ARHGAP5: variants seen among roughly 807,000 people sequenced by gnomAD.
ARHGAP5 encodes the protein Rho GTPase activating protein 5.
Under a neutral mutation model 116.6 loss-of-function variants are expected in ARHGAP5, and 23 were observed. The ratio of observed to expected loss-of-function variants is 0.20; its 90% confidence interval spans 0.14 to 0.28. The LOEUF is 0.28. ARHGAP5 is among the 10% of genes least tolerant of loss of function. The pLI is 1.00. For synonymous variants in ARHGAP5, 574 were observed against 602.0 expected (o/e 0.95, Z 0.68); for missense variants, 1,405 against 1,774.8 (o/e 0.79, Z 3.74).
chr14:32,130,117 A>ATG (rs1880394910), intron 3 of ARHGAP5, among the ~76,000 whole-genome samples: 1 of 151,364 alleles, frequency 6.6e-6, no homozygotes, highest in African/African-American at 2.4e-5. Flanking sequence ...ATATATATAT[A>ATG]TGACCACATA....
intron 3 of ARHGAP5, among the ~76,000 whole-genome samples, chr14:32,135,334 A>G (rs1880733114): frequency 6.6e-6 from 1 of 152,252 alleles, no homozygotes; most frequent in Admixed American, 6.5e-5. Context: ...TTGGGCCAGA[A>G]CCAGGAAGTG....
At chr14:32,130,384 T>C (rs567342010) in intron 3 of ARHGAP5, among the ~76,000 whole-genome samples, 1 of 148,074 alleles carries the variant, frequency 6.8e-6, no homozygotes, top group African/African-American at 2.6e-5. Context: ...GCTAATTTTT[T>C]GGGTTTTTTT....
At chr14:32,153,388 C>G (rs1010595278) in intron 6 of ARHGAP5, among the ~76,000 whole-genome samples, 1 of 69,916 alleles carries the variant, frequency 1.4e-5, no homozygotes, top group African/African-American at 5.4e-5. Flanking sequence ...GTCTGGCCAA[C>G]AGAGCAAGAC....
At chr14:32,148,210 C>CTATCTATG (rs1555359612) in intron 4 of ARHGAP5, among the ~76,000 whole-genome samples, 2 of 147,102 alleles carry the variant, frequency 1.4e-5, no homozygotes, top group African/African-American at 2.6e-5. Context: ...ATCTATCTAT[C>CTATCTATG]TATGTATATC....
chr14:32,081,960 G>C (rs1287527003), intron 1 of ARHGAP5, among the ~76,000 whole-genome samples: 5 of 152,164 alleles, frequency 3.3e-5, no homozygotes, highest in Admixed American at 2.6e-4. Flanking sequence ...ACGGAACCGG[G>C]GGCATGGTTT....
At chr14:32,083,106 C>G (rs1316537864) in intron 1 of ARHGAP5, among the ~76,000 whole-genome samples, 2 of 152,270 alleles carry the variant, frequency 1.3e-5, no homozygotes, top group East Asian at 3.8e-4. Context: ...ACTTTACAAT[C>G]CAAATCTCGT....
chr14:32,153,873 T>A (rs1881769480), intron 6 of ARHGAP5: 1 of 144,972 alleles, frequency 6.9e-6, no homozygotes, highest in African/African-American at 2.6e-5. Context: ...AGCAACATAG[T>A]GAGACTTGAT....
At chr14:32,135,294 A>C (rs1159978397) in intron 3 of ARHGAP5, among the ~76,000 whole-genome samples, 1 of 152,244 alleles carries the variant, frequency 6.6e-6, no homozygotes. Flanking sequence ...GAATGAAGGT[A>C]ACTTAGAGAA....
intron 3 of ARHGAP5, among the ~76,000 whole-genome samples, chr14:32,124,011 A>C (rs1344722688): frequency 6.6e-6 from 1 of 152,172 alleles, no homozygotes; most frequent in Admixed American, 6.5e-5. Flanking sequence ...ACTCTTCTGC[A>C]TATCCGATAC....
At position 32,119,533 on chromosome 14, in the gene ARHGAP5, T is replaced by C. The variant is rs145322973; in HGVS notation, c.3865+2246T>C. On this transcript the variant is annotated intron_variant, in intron 3 of 6. Coordinates refer to ENST00000345122, the MANE Select transcript of ARHGAP5 (RefSeq NM_001030055.2). ...TCGTACAGTATGAATTTTTATAATC[T>C]ATAGTCATGTAACTGCCACCACAAT... Among the ~76,000 whole-genome samples, 17 of 152,248 alleles carry C rather than the reference T, an allele frequency of 1.1e-4. No homozygotes were observed. In the East Asian group the frequency reaches 3.3e-3, roughly 29 times the overall value.
intron 2 of ARHGAP5, among the ~76,000 whole-genome samples, chr14:32,099,004 G>A (rs1165963174): frequency 1.3e-5 from 2 of 152,160 alleles, no homozygotes; most frequent in Non-Finnish European, 2.9e-5. Context: ...TAATCTAAGC[G>A]AATCATGATG....
At chr14:32,082,703 C>T (rs376262279) in intron 1 of ARHGAP5, among the ~76,000 whole-genome samples, 11 of 152,128 alleles carry the variant, frequency 7.2e-5, no homozygotes, top group African/African-American at 2.2e-4. Flanking sequence ...TCACGCCTGG[C>T]TAATTTTTGT....
At chr14:32,104,978 G>A (rs887470875) in intron 2 of ARHGAP5, among the ~76,000 whole-genome samples, 1 of 152,124 alleles carries the variant, frequency 6.6e-6, no homozygotes. Flanking sequence ...GGCATCTAGT[G>A]GGTAGAAGCC....
intron 3 of ARHGAP5, among the ~76,000 whole-genome samples, chr14:32,140,109 TTTTTC>T: frequency 5.1e-5 from 7 of 137,598 alleles, no homozygotes; most frequent in Non-Finnish European, 9.3e-5. Context: ...TTTTTTTTTT[TTTTTC>T]CTTTTTTTTT....
intron 1 of ARHGAP5, among the ~76,000 whole-genome samples, chr14:32,080,283 G>T (rs190230839): frequency 4.6e-4 from 69 of 150,476 alleles, no homozygotes; most frequent in African/African-American, 1.5e-3. Context: ...TAAGTGTATT[G>T]TATTTAAATA....
At chr14:32,107,811 G>A (rs977410918) in intron 2 of ARHGAP5, among the ~76,000 whole-genome samples, 35 of 152,204 alleles carry the variant, frequency 2.3e-4, no homozygotes, top group Admixed American at 2.0e-3. Flanking sequence ...TTAGATGTAT[G>A]AGTCTGGTAC....
intron 3 of ARHGAP5, among the ~76,000 whole-genome samples, chr14:32,123,898 A>G (rs900345188): frequency 3.3e-5 from 5 of 152,112 alleles, no homozygotes; most frequent in African/African-American, 4.8e-5. Flanking sequence ...TGCCCCATTT[A>G]TATTAAAAGA....
intron 2 of ARHGAP5, among the ~76,000 whole-genome samples, chr14:32,102,598 C>T (rs1878842778): frequency 6.6e-6 from 1 of 152,190 alleles, no homozygotes; most frequent in South Asian, 2.1e-4. Context: ...CCTGAGAGCT[C>T]TGAGTGAAAT....
intron 1 of ARHGAP5, among the ~76,000 whole-genome samples, chr14:32,087,834 T>G (rs116282881): frequency 3.3e-5 from 5 of 152,160 alleles, no homozygotes; most frequent in African/African-American, 1.2e-4. Context: ...AAGATTCATA[T>G]TGCCACTGTC....
Sources: gnomAD v4.1 joint callset for allele counts (sites outside exome capture counted in the v4.1 genomes callset) on GRCh38, gnomAD v4.1.1 for gene constraint, MANE v1.5 for transcripts, NCBI Gene and HGNC (gene_info 2026-07-23, HGNC 2026-07-21) for gene names.